Variants in GRIN2D observed in about 807,000 individuals in gnomAD.
The protein encoded by GRIN2D is glutamate receptor ionotropic, NMDA 2D.
Under a neutral mutation model 103.2 loss-of-function variants are expected in GRIN2D, and 37 were observed. The ratio of observed to expected loss-of-function variants is 0.36; its 90% CI spans 0.28 to 0.47. GRIN2D has a LOEUF of 0.47. GRIN2D is among the 20% of genes least tolerant of loss of function. The pLI is 1.00. For synonymous variants in GRIN2D, 845 were observed against 885.6 expected (o/e 0.95, Z 0.81); for missense variants, 1,557 against 1,910.6 (o/e 0.81, Z 3.45).
intron 11 of GRIN2D, among the ~76,000 whole-genome samples, chr19:48,428,930 A>C (rs2147464175): frequency 6.6e-6 from 1 of 152,238 alleles, no homozygotes; most frequent in South Asian, 2.1e-4. Context: ...CTAGGACTGG[A>C]ACCCTGGCAG....
rs1971310844 is a variant in GRIN2D, at chr19:48,442,577, C to G, written c.2674-23C>G. The G allele has an allele frequency of 6.7e-7, 1 of 1,492,586 alleles. No homozygotes were observed. The allele number at this position is 1,492,586 out of a possible 1,614,324, so 92.5% of individuals were successfully genotyped here. On this transcript the variant is annotated intron_variant, in intron 13 of 13. Transcript: ENST00000263269. The surrounding 1 kb of genome is among the most constrained non-coding windows in gnomAD (Gnocchi z 7.2). ...CGTCCTGGGCATCTCGCGCTGACCC[C>G]CGTCCTGTCCCCGGACCCGCAGGGC...
chr19:48,399,884 C>A (rs952642391), intron 3 of GRIN2D, among the ~76,000 whole-genome samples: 1 of 8,988 alleles, frequency 1.1e-4, no homozygotes, highest in African/African-American at 5.0e-4. Context: ...CAGTTGGGGG[C>A]GGGGCCAGCG....
chr19:48,399,683 CG>C (rs1404263508), intron 3 of GRIN2D, among the ~76,000 whole-genome samples: 1 of 152,114 alleles, frequency 6.6e-6, no homozygotes, highest in African/African-American at 2.4e-5. Flanking sequence ...GGGAGGCGTT[CG>C]GCCGGTAGAG....
Position 48,405,483 on chromosome 19 carries a change from G to A in GRIN2D, c.1085+130G>A. On this transcript the variant is annotated intron_variant, in intron 4 of 13. Transcript: ENST00000263269. This position sits in a 1 kb window ranked among gnomAD's most constrained non-coding sequence, Gnocchi z 5.1. ...CCTCAGTTTTCTTTTCTGTAAAGTGGGTGCAATTGGGTCTCTTTTCTGAGG... is the reference window on the plus strand; with the variant it reads ...CCTCAGTTTTCTTTTCTGTAAAGTGAGTGCAATTGGGTCTCTTTTCTGAGG... 1.1e-6 allele frequency: 1 copy of A among 905,154 alleles called. No homozygotes were observed. The highest frequency in any genetic ancestry group is 1.6e-6 in the Non-Finnish European group (1 of 636,034). 56.1% of individuals were successfully genotyped at this position (905,154 alleles called of 1,614,324 possible). A position where few individuals can be genotyped will look rare whatever the true frequency, so the allele number is the denominator to read the frequency against.
In GRIN2D at chr19:48,442,607, A is replaced by C; in HGVS notation, c.2681A>C (p.Tyr894Ser). The change falls in exon 14 of 14, where the codon TAC (tyrosine) becomes TCC (serine). Residue 894 changes from tyrosine to serine, a missense_variant. Tyr to Ser is a moderately radical substitution (Grantham distance 144). Coordinates refer to ENST00000263269, the MANE Select transcript of GRIN2D (RefSeq NM_000836.4). This position sits in a 1 kb window ranked among gnomAD's most constrained non-coding sequence, Gnocchi z 7.2. Reference protein sequence around the residue: ...DFLLAFSRGMYSCCSAEAAPP... With the variant: ...DFLLAFSRGMSSCCSAEAAPP... Reference sequence around the variant, plus strand: ...CTGTCCCCGGACCCGCAGGGCATGTACAGCTGCTGCAGCGCTGAGGCCGCC... The same window carrying C: ...CTGTCCCCGGACCCGCAGGGCATGTCCAGCTGCTGCAGCGCTGAGGCCGCC... 1 of 1,512,188 alleles carries C rather than the reference A, an allele frequency of 6.6e-7. No homozygotes were observed. The highest frequency in any genetic ancestry group is 2.0e-5 in the Admixed American group (1 of 49,138). The allele number at this position is 1,512,188 out of a possible 1,614,324, so 93.7% of individuals were successfully genotyped here.
At chr19:48,398,323 T>C in intron 2 of GRIN2D, 44 bp from the exon 3 acceptor site, 1 of 798,470 alleles carries the variant, frequency 1.3e-6, no homozygotes. Flanking sequence ...GTCTCCCGTC[T>C]GTGCCTCCCT....
Position 48,442,076 on chromosome 19 carries a change from C to T in GRIN2D, c.2441-74C>T. 1 of 1,525,474 alleles carries T rather than the reference C, an allele frequency of 6.6e-7. No individual in the cohort carries two copies. The highest frequency in any genetic ancestry group is 9.0e-7 in the Non-Finnish European group (1 of 1,110,076). The allele number at this position is 1,525,474 out of a possible 1,614,324, so 94.5% of individuals were successfully genotyped here. A position where few individuals can be genotyped will look rare whatever the true frequency, so the allele number is the denominator to read the frequency against. ...TCTGAGGGAGGAAGGGGCTAAGGGC[C>T]TACATTCCCACATCACAGACAAGGG... On this transcript the variant is annotated intron_variant, in intron 12 of 13. Coordinates refer to ENST00000263269, the MANE Select transcript of GRIN2D (RefSeq NM_000836.4). This position sits in a 1 kb window ranked among gnomAD's most constrained non-coding sequence, Gnocchi z 7.2.
Position 48,414,742 on chromosome 19 carries a change from T to C in GRIN2D, c.1413-122T>C. On this transcript the variant is annotated intron_variant, in intron 6 of 13. Transcript: ENST00000263269. This position sits in a 1 kb window ranked among gnomAD's most constrained non-coding sequence, Gnocchi z 4.6. ...AACCTCAGAATTCTTTGAGCCTGAG[T>C]TTCCCCTGAAAGCGCTAACCATAGT... 1 of 1,311,054 alleles carries C rather than the reference T, an allele frequency of 7.6e-7. No individual in the cohort carries two copies. Among genetic ancestry groups the C allele is most frequent in the Non-Finnish European group, 1.1e-6 (1 of 945,208 alleles). The allele number at this position is 1,311,054 out of a possible 1,614,324, so 81.2% of individuals were successfully genotyped here.
At chr19:48,418,219 G>C in intron 8 of GRIN2D, among the ~76,000 whole-genome samples, 1 of 151,904 alleles carries the variant, frequency 6.6e-6, no homozygotes, top group Non-Finnish European at 1.5e-5. Context: ...TTTTAGTAGA[G>C]ATGGGGTTTC....
At chr19:48,423,512 CGGA>C (rs1971048272) in intron 11 of GRIN2D, among the ~76,000 whole-genome samples, 2 of 151,906 alleles carry the variant, frequency 1.3e-5, no homozygotes, top group East Asian at 3.9e-4. Flanking sequence ...GTGGGCTTCT[CGGA>C]GGAGGTGACA....
intron 4 of GRIN2D, 25 bp from the exon 5 acceptor site, chr19:48,413,966 G>A: frequency 7.5e-7 from 1 of 1,336,114 alleles, no homozygotes; most frequent in East Asian, 2.3e-5. Flanking sequence ...GCCCCAGCAT[G>A]TCCCCTTTCC....
chr19:48,402,166 A>AAGAAAGAAAGAAAG (rs748167336), intron 3 of GRIN2D, among the ~76,000 whole-genome samples: 1 of 80,030 alleles, frequency 1.2e-5, no homozygotes, highest in East Asian at 4.4e-4. Flanking sequence ...GAAAGAAAGA[A>AAGAAAGAAAGAAAG]AGAGAGAAAA....
At position 48,394,379 on chromosome 19, in the gene GRIN2D, C is replaced by T. The variant is rs962006017; in HGVS notation, c.-305-279C>T. On this transcript the variant is annotated intron_variant, in intron 1 of 13. Transcript: ENST00000263269. This position sits in a 1 kb window ranked among gnomAD's most constrained non-coding sequence, Gnocchi z 5.1. Reference sequence around the variant, plus strand: ...GCAGTTCCCCAAGCAGGCAATCTCCCGCTCCTCACACGCACACACCAGCCA... The same window carrying T: ...GCAGTTCCCCAAGCAGGCAATCTCCTGCTCCTCACACGCACACACCAGCCA... Among the ~76,000 whole-genome samples, 14 of 150,614 alleles carry T rather than the reference C, an allele frequency of 9.3e-5. No individual in the cohort carries two copies. The South Asian group carries it at 1.1e-3, about 11-fold the overall frequency.
At chr19:48,441,194 C>A (rs1184951879) in intron 11 of GRIN2D, among the ~76,000 whole-genome samples, 2 of 151,758 alleles carry the variant, frequency 1.3e-5, no homozygotes, top group Non-Finnish European at 2.9e-5. Flanking sequence ...GGAACCCCGT[C>A]TCTACTAAAA....
At chr19:48,431,910 T>TTA (rs1971162039) in intron 11 of GRIN2D, among the ~76,000 whole-genome samples, 2 of 124,392 alleles carry the variant, frequency 1.6e-5, no homozygotes, top group Admixed American at 7.8e-5. Context: ...TCTTTTATCT[T>TTA]TTCTTTATTT....
chr19:48,435,488 C>A (rs1374362333), intron 11 of GRIN2D, among the ~76,000 whole-genome samples: 1 of 152,060 alleles, frequency 6.6e-6, no homozygotes, highest in Admixed American at 6.6e-5. Context: ...CAGGGTTTCG[C>A]CATGTTGGCC....
At position 48,419,810 on chromosome 19, in the gene GRIN2D, G is replaced by A. The variant is rs1252266807; in HGVS notation, c.2087G>A (p.Arg696His). Residue 696 changes from arginine (R) to histidine (H), a missense_variant, in exon 10 of 14, where the codon CGC becomes CAC. Transcript: ENST00000263269. ...GATACTGTGTCTGGGCTCAGTGACC[G>A]CAAGGTGTGTGTGGGCCCAGGGCTG... The part of the protein sequence containing the change: ...YVDTVSGLSD[R>H]KFQRPQEQYP... 8 of 1,607,640 alleles carry A rather than the reference G, an allele frequency of 5.0e-6. No homozygotes were observed. Among genetic ancestry groups the A allele is most frequent in the East Asian group, 2.2e-5 (1 of 44,726 alleles).
At chr19:48,437,075 C>T (rs1971241342) in intron 11 of GRIN2D, among the ~76,000 whole-genome samples, 1 of 152,132 alleles carries the variant, frequency 6.6e-6, no homozygotes, top group Non-Finnish European at 1.5e-5. Context: ...TTTTCCCCAA[C>T]CTACACCCAA....
In GRIN2D at chr19:48,405,973, C is replaced by A. The variant is rs143909432; in HGVS notation, c.1085+620C>A. On this transcript the variant is annotated intron_variant, in intron 4 of 13. Transcript: ENST00000263269. This position sits in a 1 kb window ranked among gnomAD's most constrained non-coding sequence, Gnocchi z 5.1. ...AGAGGAAGTGGACAGCAAGCACTTT[C>A]CTTTTGAGTAAGTGAGGCAGAAAGG... Among the ~76,000 whole-genome samples the A allele has an allele frequency of 1.2e-3, 176 of 152,248 alleles. No homozygotes were observed. Among genetic ancestry groups the A allele is most frequent in the Admixed American group, 2.5e-3 (38 of 15,268 alleles).
Sources: gnomAD v4.1 joint callset for allele counts (sites outside exome capture counted in the v4.1 genomes callset) on GRCh38, gnomAD v4.1.1 for gene constraint, Gnocchi (gnomAD v3.1) non-coding constraint, MANE v1.5 for transcripts, NCBI Gene and HGNC (gene_info 2026-07-23, HGNC 2026-07-21) for gene names.